The following ADGRA3 variants were observed in gnomAD, a reference collection of about 807,000 sequenced individuals.
ADGRA3 encodes G-protein coupled receptor 125.
A neutral mutation model predicts 119.8 loss-of-function variants in ADGRA3; 56 were observed. The observed-to-expected ratio is 0.47, with a 90% confidence interval of 0.38 to 0.58. The LOEUF (loss-of-function observed/expected upper bound fraction) is 0.58. Among genes scored for constraint, ADGRA3 ranks in the 20% least tolerant of loss-of-function variants. The probability of loss-of-function intolerance (pLI) is 0.00; values close to 1 mark genes in which losing one functional copy is unlikely to be tolerated. For synonymous variants in ADGRA3, 607 were observed against 623.8 expected, an observed-to-expected ratio of 0.97 and a Z score of 0.40; for missense variants, 1,516 against 1,649.0, an observed-to-expected ratio of 0.92 and a Z score of 1.40.
chr4:22,488,356 TAAA>T (rs5856699), intron 1 of ADGRA3, among the ~76,000 whole-genome samples: 1 of 146,298 alleles, frequency 6.8e-6, no homozygotes. Flanking sequence ...TATGAAGCTT[TAAA>T]AAAAAAAAAA....
At chr4:22,456,258 AG>A (rs145115879) in intron 3 of ADGRA3, among the ~76,000 whole-genome samples, 5 of 152,236 alleles carry the variant, frequency 3.3e-5, no homozygotes, top group Admixed American at 6.5e-5. Flanking sequence ...CTGGATTGAG[AG>A]GCCTCAATGG....
intron 2 of ADGRA3, among the ~76,000 whole-genome samples, chr4:22,469,771 G>A (rs1717791279): frequency 6.6e-6 from 1 of 152,158 alleles, no homozygotes; most frequent in South Asian, 2.1e-4. Flanking sequence ...AATTACCTGA[G>A]ACCTGACACG....
Position 22,421,048 on chromosome 4 carries a change from A to G in ADGRA3, c.1647T>C (p.Ser549=), listed in dbSNP as rs1188819994. ...TACAGGTCATCCCCGTGAAGCCAGT[A>G]GACTTGATGACATAAGCTTCCAGAG... The part of the protein sequence containing the change: ...NIALEAYVIK[S]TGFTGMTCTV... Residue 549 remains serine (S), a synonymous_variant, in exon 12 of 19, where the codon TCT becomes TCC. Coordinates refer to ENST00000334304, the MANE Select transcript of ADGRA3 (RefSeq NM_145290.4). The G allele has an allele frequency of 6.2e-7, 1 of 1,614,042 alleles. No homozygotes were observed. Among genetic ancestry groups the G allele is most frequent in the Admixed American group, 1.7e-5 (1 of 60,002 alleles).
chr4:22,436,120 AT>A (rs1157496319), intron 9 of ADGRA3, among the ~76,000 whole-genome samples: 1 of 152,170 alleles, frequency 6.6e-6, no homozygotes, highest in Non-Finnish European at 1.5e-5. Flanking sequence ...CAACAAAGTG[AT>A]TATAAAATGA....
chr4:22,514,490 G>A (rs1719568152), intron 1 of ADGRA3: 1 of 152,164 alleles, frequency 6.6e-6, no homozygotes, highest in Admixed American at 6.5e-5. Context: ...CTGAATTTGG[G>A]TTACATTTAA....
At chr4:22,430,946 A>AG (rs1415414515) in intron 10 of ADGRA3, among the ~76,000 whole-genome samples, 1 of 152,226 alleles carries the variant, frequency 6.6e-6, no homozygotes, top group African/African-American at 2.4e-5. Context: ...GCTGCTTCAC[A>AG]GGGGGCAACC....
Position 22,445,002 on chromosome 4 carries a change from G to A in ADGRA3, c.677C>T (p.Thr226Ile), listed in dbSNP as rs1168152504. 2 of 1,613,548 alleles carry A rather than the reference G, an allele frequency of 1.2e-6. No homozygotes were observed. Among genetic ancestry groups the A allele is most frequent in the Non-Finnish European group, 1.7e-6 (2 of 1,179,898 alleles). ...TGTCAACAGCTCCTGCTTCACGCCT[G>A]TGACTGGTTGGGCCTGCAGTGACTT... The part of the protein sequence containing the change: ...YPKSLQAQPV[T>I]GVKQELLTCD... The change falls in exon 6 of 19, where the codon ACA becomes ATA. Residue 226 changes from threonine (T) to isoleucine (I), a missense_variant. Coordinates refer to ENST00000334304, the MANE Select transcript of ADGRA3 (RefSeq NM_145290.4).
At chr4:22,476,839 G>C (rs1718062420) in intron 1 of ADGRA3, among the ~76,000 whole-genome samples, 1 of 151,796 alleles carries the variant, frequency 6.6e-6, no homozygotes, top group African/African-American at 2.4e-5. Flanking sequence ...GCTAATTTTT[G>C]TATTTTTAGT....
At chr4:22,490,628 G>T (rs968049746) in intron 1 of ADGRA3, among the ~76,000 whole-genome samples, 17 of 152,148 alleles carry the variant, frequency 1.1e-4, no homozygotes, top group Non-Finnish European at 7.4e-5. Context: ...CTACAAGAGG[G>T]ATATGTAACT....
chr4:22,454,758 T>A (rs10003859), intron 4 of ADGRA3, 108 bp downstream of exon 4: 117,264 of 792,352 alleles, frequency 0.15, 9,336 homozygotes, highest in South Asian at 0.24. Context: ...ATGGCTTCTA[T>A]AACCCCTACA....
chr4:22,497,862 T>G (rs1947361427), intron 1 of ADGRA3, among the ~76,000 whole-genome samples: 1 of 149,706 alleles, frequency 6.7e-6, no homozygotes, highest in African/African-American at 2.5e-5. Context: ...GGGGATTGTT[T>G]GAGCCCAGGA....
At chr4:22,447,704 T>C (rs1048299979) in intron 4 of ADGRA3, among the ~76,000 whole-genome samples, 193 bp from the exon 5 acceptor site, 1 of 152,160 alleles carries the variant, frequency 6.6e-6, no homozygotes, top group African/African-American at 2.4e-5. Flanking sequence ...TGCTTCACCT[T>C]ACACAAAGTA....
intron 2 of ADGRA3, among the ~76,000 whole-genome samples, chr4:22,471,325 G>A (rs779192482): frequency 5.3e-5 from 8 of 152,142 alleles, no homozygotes; most frequent in Non-Finnish European, 7.4e-5. Flanking sequence ...GGGGAAGATG[G>A]GAGGAGGGAG....
In ADGRA3 at chr4:22,515,570, T is replaced by C. The variant is rs140236262; in HGVS notation, c.215A>G (p.Gln72Arg). The C allele has an allele frequency of 1.6e-5, 26 of 1,603,084 alleles. No homozygotes were observed. The highest frequency in any genetic ancestry group is 2.2e-5 in the Non-Finnish European group (26 of 1,175,110). Residue 72 changes from glutamine to arginine, a missense_variant, in exon 1 of 19, where the codon CAG becomes CGG. Physicochemically the swap from Gln to Arg is conservative, Grantham distance 43. Coordinates refer to ENST00000334304, the MANE Select transcript of ADGRA3 (RefSeq NM_145290.4). ...KVVCSSLELA[Q>R]VLPPDTLPNR... is the part of the protein sequence containing the mutation. ...GGGCAGAGTATCTGGGGGCAGGACC[T>C]GCGCGAGTTCCAGGCTGCTGCACAC...
chr4:22,399,292 C>T (rs73245194), intron 16 of ADGRA3, among the ~76,000 whole-genome samples: 4,322 of 152,194 alleles, frequency 0.028, 88 homozygotes, highest in Non-Finnish European at 0.042. Flanking sequence ...AAACAGATTC[C>T]TCCAATTTGT....
chr4:22,469,367 C>A (rs1226738112), intron 2 of ADGRA3, among the ~76,000 whole-genome samples: 1 of 152,206 alleles, frequency 6.6e-6, no homozygotes, highest in Non-Finnish European at 1.5e-5. Context: ...TACTTGTCTT[C>A]TTCACTTGAA....
intron 5 of ADGRA3, among the ~76,000 whole-genome samples, 156 bp downstream of exon 5, chr4:22,447,284 C>T (rs945310258): frequency 9.9e-5 from 15 of 151,956 alleles, no homozygotes; most frequent in Non-Finnish European, 2.2e-4. Context: ...TTCAGGGTTA[C>T]TGTATGTTTT....
At chr4:22,513,274 G>C (rs896224468) in intron 1 of ADGRA3, among the ~76,000 whole-genome samples, 1 of 151,274 alleles carries the variant, frequency 6.6e-6, no homozygotes, top group Admixed American at 6.6e-5. Context: ...AGCCTCCCGA[G>C]TAGCGACTAG....
At chr4:22,446,928 T>TA (rs2109079903) in intron 5 of ADGRA3, among the ~76,000 whole-genome samples, 1 of 152,170 alleles carries the variant, frequency 6.6e-6, no homozygotes, top group East Asian at 1.9e-4. Context: ...CAACCAATTC[T>TA]AAAGCTACAA....
Sources: allele counts gnomAD v4.1 joint callset (sites outside exome capture counted in the v4.1 genomes callset), GRCh38; gene constraint gnomAD v4.1.1; transcripts MANE v1.5; gene names NCBI Gene and HGNC (gene_info 2026-07-23, HGNC 2026-07-21).